KCNQ3: variants seen among roughly 807,000 people sequenced by gnomAD.
KCNQ3 encodes potassium voltage-gated channel subfamily Q member 3.
Under a neutral mutation model 92.5 loss-of-function variants are expected in KCNQ3, and 30 were observed. That is an observed-to-expected ratio of 0.32 (90% CI 0.24 to 0.44). The LOEUF (loss-of-function observed/expected upper bound fraction) is 0.44, where lower values mean the gene tolerates loss of function less well. Among genes scored for constraint, KCNQ3 ranks in the 20% least tolerant of loss-of-function variants. The pLI, the probability that KCNQ3 is intolerant of heterozygous loss-of-function variation, is 1.00. For missense variants in KCNQ3, 913 were observed against 1,140.3 expected, an observed-to-expected ratio of 0.80 and a Z score of 2.87; for synonymous variants, 450 against 468.8, an observed-to-expected ratio of 0.96 and a Z score of 0.52.
intron 1 of KCNQ3, among the ~76,000 whole-genome samples, chr8:132,191,845 A>G (rs983796579): frequency 4.6e-5 from 7 of 151,898 alleles, no homozygotes; most frequent in South Asian, 2.1e-4. Flanking sequence ...AATGGGATAT[A>G]AAGATCGAGC....
intron 1 of KCNQ3, among the ~76,000 whole-genome samples, chr8:132,416,196 A>C (rs73708456): frequency 0.036 from 5,456 of 152,316 alleles, 307 homozygotes; most frequent in African/African-American, 0.12. Flanking sequence ...TCTAAAAATG[A>C]AATTAAGTTC....
Position 132,129,542 on chromosome 8 carries a change from C to A in KCNQ3, c.2339G>T (p.Arg780Leu). The A allele has an allele frequency of 6.2e-7, 1 of 1,614,192 alleles. No homozygotes were observed. Residue 780 changes from arginine to leucine, a missense_variant, in exon 15 of 15, where the codon CGT (arginine) becomes CTT (leucine). Arg to Leu is a moderately radical substitution (Grantham distance 102). Transcript: ENST00000388996. This position sits in a 1 kb window ranked among gnomAD's most constrained non-coding sequence, Gnocchi z 5.9. ...YSDRISPRQR[R>L]SITRDSDTPL... ...TGTGTCACTGTCTCGCGTGATGCTA[C>A]GTCTCTGCCGGGGGGAGATTCGGTC...
chr8:132,294,066 T>C (rs1005267321), intron 1 of KCNQ3, among the ~76,000 whole-genome samples: 1 of 149,826 alleles, frequency 6.7e-6, no homozygotes, highest in Non-Finnish European at 1.5e-5. Context: ...AGTGGCGTGA[T>C]CTCAGCTCAC....
intron 1 of KCNQ3, among the ~76,000 whole-genome samples, chr8:132,393,361 G>C (rs943026568): frequency 1.1e-4 from 16 of 152,248 alleles, no homozygotes; most frequent in Admixed American, 7.2e-4. Flanking sequence ...AAAGGCTAGA[G>C]AGTAAATATT....
At chr8:132,469,926 G>A (rs567532781) in intron 1 of KCNQ3, among the ~76,000 whole-genome samples, 10 of 151,858 alleles carry the variant, frequency 6.6e-5, no homozygotes, top group Admixed American at 2.0e-4. Flanking sequence ...TAGTACCTTC[G>A]TCTCATCCCT....
At chr8:132,154,243 C>T (rs1320905399) in intron 9 of KCNQ3, among the ~76,000 whole-genome samples, 2 of 117,064 alleles carry the variant, frequency 1.7e-5, no homozygotes, top group Non-Finnish European at 3.6e-5. Flanking sequence ...GGCTTTTTGC[C>T]CCCTTCTCCC....
chr8:132,394,630 C>T (rs1034422655), intron 1 of KCNQ3, among the ~76,000 whole-genome samples: 1 of 152,098 alleles, frequency 6.6e-6, no homozygotes, highest in African/African-American at 2.4e-5. Flanking sequence ...TGGTACCCTA[C>T]CCTACTTAAC....
At chr8:132,298,805 A>G (rs1817126547) in intron 1 of KCNQ3, among the ~76,000 whole-genome samples, 1 of 152,108 alleles carries the variant, frequency 6.6e-6, no homozygotes, top group Non-Finnish European at 1.5e-5. Context: ...GCTACTCGGA[A>G]GGCTGAGGCA....
intron 1 of KCNQ3, among the ~76,000 whole-genome samples, chr8:132,292,335 C>T (rs985560817): frequency 2.0e-5 from 3 of 152,146 alleles, no homozygotes; most frequent in African/African-American, 7.2e-5. Flanking sequence ...ATGTAATTCT[C>T]ATCCAATCTT....
At position 132,129,568 on chromosome 8, in the gene KCNQ3, C is replaced by T. The variant is rs774793856; in HGVS notation, c.2313G>A (p.Ser771=). 16 of 1,614,014 alleles carry T rather than the reference C, an allele frequency of 9.9e-6. No individual in the cohort carries two copies. Among genetic ancestry groups the T allele is most frequent in the South Asian group, 6.6e-5 (6 of 91,082 alleles). Residue 771 remains serine, a synonymous_variant, in exon 15 of 15, where the codon TCG becomes TCA. Transcript: ENST00000388996. This position sits in a 1 kb window ranked among gnomAD's most constrained non-coding sequence, Gnocchi z 5.9. Reference sequence around the variant, plus strand: ...GTCTCTGCCGGGGGGAGATTCGGTCCGAGTAGGGGCCCTGCAGGTCAGCCT... The same window carrying T: ...GTCTCTGCCGGGGGGAGATTCGGTCTGAGTAGGGGCCCTGCAGGTCAGCCT... The part of the protein sequence containing the change: ...HSQADLQGPY[S]DRISPRQRRS...
chr8:132,215,687 T>C (rs1459685507), intron 1 of KCNQ3, among the ~76,000 whole-genome samples: 1 of 152,188 alleles, frequency 6.6e-6, no homozygotes, highest in Non-Finnish European at 1.5e-5. Flanking sequence ...GCTTTCTCTG[T>C]GGTCACCAGC....
At chr8:132,460,507 A>G (rs1563919688) in intron 1 of KCNQ3, among the ~76,000 whole-genome samples, 1 of 152,134 alleles carries the variant, frequency 6.6e-6, no homozygotes. Context: ...CCAGTACACA[A>G]GTATAACAGT....
At chr8:132,255,904 A>C (rs541161207) in intron 1 of KCNQ3, among the ~76,000 whole-genome samples, 2 of 152,236 alleles carry the variant, frequency 1.3e-5, no homozygotes, top group Non-Finnish European at 2.9e-5. Context: ...CATTTTATTT[A>C]AAATGTCCAG....
At chr8:132,441,523 C>T (rs1036376481) in intron 1 of KCNQ3, among the ~76,000 whole-genome samples, 5 of 152,168 alleles carry the variant, frequency 3.3e-5, no homozygotes, top group African/African-American at 1.2e-4. Flanking sequence ...CACTGCACTC[C>T]AGCCTGGGCG....
At chr8:132,358,942 T>G (rs1423850030) in intron 1 of KCNQ3, among the ~76,000 whole-genome samples, 2 of 152,204 alleles carry the variant, frequency 1.3e-5, no homozygotes, top group Non-Finnish European at 2.9e-5. Flanking sequence ...AGCTCGAGGA[T>G]GAGGGAATAC....
At chr8:132,377,606 G>C (rs1411232817) in intron 1 of KCNQ3, among the ~76,000 whole-genome samples, 1 of 152,172 alleles carries the variant, frequency 6.6e-6, no homozygotes, top group Non-Finnish European at 1.5e-5. Flanking sequence ...AGCTCTGGCT[G>C]AGACTATAAA....
chr8:132,272,764 C>G (rs1816190943), intron 1 of KCNQ3, among the ~76,000 whole-genome samples: 1 of 152,152 alleles, frequency 6.6e-6, no homozygotes, highest in Non-Finnish European at 1.5e-5. Context: ...GGGTCCCTCC[C>G]ATGACATGTG....
At chr8:132,265,618 T>C (rs551119705) in intron 1 of KCNQ3, among the ~76,000 whole-genome samples, 9 of 152,350 alleles carry the variant, frequency 5.9e-5, no homozygotes, top group South Asian at 4.1e-4. Flanking sequence ...GAGAGGCTTA[T>C]GTGTTACACA....
At position 132,479,705 on chromosome 8, in the gene KCNQ3, A is replaced by G. The variant is rs371366824; in HGVS notation, c.386+442T>C. ...ACCCCTCCCATCCCCAACTAAACTC[A>G]GTGGCGATCCCAACAGAAGGGATCC... On this transcript the variant is annotated intron_variant, in intron 1 of 14. Transcript: ENST00000388996. 8.0e-5 allele frequency among the ~76,000 whole-genome samples: 12 copies of G among 149,716 alleles called. No homozygotes were observed. In the East Asian group the frequency reaches 2.4e-3, roughly 30 times the overall value.
Sources: allele counts gnomAD v4.1 joint callset (sites outside exome capture counted in the v4.1 genomes callset), GRCh38; gene constraint gnomAD v4.1.1; non-coding constraint Gnocchi (gnomAD v3.1); transcripts MANE v1.5; gene names NCBI Gene and HGNC (gene_info 2026-07-23, HGNC 2026-07-21).